Variants in CTNND2 observed in about 807,000 individuals in gnomAD.
The protein encoded by CTNND2 is catenin delta 2.
In CTNND2, 22 loss-of-function variants were observed where a neutral mutation model predicts 144.4. The observed-to-expected ratio is 0.15, with a 90% CI of 0.11 to 0.22. The LOEUF is 0.22. Among genes scored for constraint, CTNND2 ranks in the 10% least tolerant of loss-of-function variants. The pLI, the probability that CTNND2 is intolerant of heterozygous loss-of-function variation, is 1.00. For missense variants in CTNND2, 1,353 were observed against 1,618.8 expected (o/e 0.84, Z 2.82); for synonymous variants, 751 against 695.6 (o/e 1.08, Z -1.25).
chr5:11,822,515 G>T (rs1003345285), intron 1 of CTNND2, among the ~76,000 whole-genome samples: 1 of 151,886 alleles, frequency 6.6e-6, no homozygotes. Flanking sequence ...AATAATTTCC[G>T]CATCCTGGTA....
At chr5:10,975,269 A>C (rs149112741) in intron 21 of CTNND2, among the ~76,000 whole-genome samples, 137 of 152,322 alleles carry the variant, frequency 9.0e-4, no homozygotes, top group African/African-American at 3.0e-3. Context: ...AAAGGCTCAG[A>C]ATCTAGAAGT....
intron 7 of CTNND2, among the ~76,000 whole-genome samples, chr5:11,365,842 G>A (rs1028349273): frequency 2.6e-5 from 4 of 152,148 alleles, no homozygotes; most frequent in African/African-American, 7.2e-5. Context: ...AATCATTTGC[G>A]TTGGGGCAAT....
At chr5:10,990,420 G>A (rs61751691) in intron 19 of CTNND2, among the ~76,000 whole-genome samples, 17,720 of 152,166 alleles carry the variant, frequency 0.12, 1,129 homozygotes, top group Non-Finnish European at 0.14. Context: ...CTGTCTGCTC[G>A]CTGGTTCCTC....
intron 3 of CTNND2, among the ~76,000 whole-genome samples, chr5:11,518,121 A>G (rs1227414286): frequency 6.6e-6 from 1 of 152,220 alleles, no homozygotes; most frequent in Non-Finnish European, 1.5e-5. Flanking sequence ...GGCCGCATAT[A>G]AGATGGTGGT....
chr5:11,045,344 C>T (rs1481512279), intron 16 of CTNND2, among the ~76,000 whole-genome samples: 2 of 151,946 alleles, frequency 1.3e-5, no homozygotes, highest in Non-Finnish European at 2.9e-5. Flanking sequence ...GTGCAGAGAT[C>T]GTACGGGGAG....
chr5:11,729,614 T>C (rs926168251), intron 2 of CTNND2, among the ~76,000 whole-genome samples: 5 of 152,210 alleles, frequency 3.3e-5, no homozygotes, highest in African/African-American at 1.2e-4. Context: ...ATCCGTATTT[T>C]TGGCTATTTC....
intron 18 of CTNND2, among the ~76,000 whole-genome samples, chr5:11,007,671 C>T (rs1344865677): frequency 1.3e-5 from 2 of 152,208 alleles, no homozygotes; most frequent in Non-Finnish European, 2.9e-5. Flanking sequence ...GACTTGGGGC[C>T]GTTTTCAAGG....
At chr5:11,654,923 T>A (rs1782832832) in intron 2 of CTNND2, among the ~76,000 whole-genome samples, 1 of 152,064 alleles carries the variant, frequency 6.6e-6, no homozygotes, top group Non-Finnish European at 1.5e-5. Context: ...TAGGTACATT[T>A]CTCTACCTAA....
At chr5:11,430,339 A>G (rs1763178875) in intron 3 of CTNND2, among the ~76,000 whole-genome samples, 1 of 149,132 alleles carries the variant, frequency 6.7e-6, no homozygotes, top group Non-Finnish European at 1.5e-5. Flanking sequence ...ATAATGTTGG[A>G]ATGGGACATG....
rs559125563 is a variant in CTNND2 at position 11,880,309 on chromosome 5, C to T, written c.37+23508G>A. Among the ~76,000 whole-genome samples, 41 of 152,042 alleles carry T rather than the reference C, an allele frequency of 2.7e-4. 2 individuals are homozygous for T. In the South Asian group the frequency reaches 7.3e-3, roughly 27 times the overall value. On this transcript the variant is annotated intron_variant, in intron 1 of 21. Transcript: ENST00000304623. Reference sequence around the variant, plus strand: ...GAAATATTCCATAATAAACGGAAAACAAAAGTTCTGTAAGAGTTCACTTTG... The same window carrying T: ...GAAATATTCCATAATAAACGGAAAATAAAAGTTCTGTAAGAGTTCACTTTG...
At chr5:11,156,936 G>A (rs1758270993) in intron 12 of CTNND2, among the ~76,000 whole-genome samples, 1 of 152,234 alleles carries the variant, frequency 6.6e-6, no homozygotes, top group African/African-American at 2.4e-5. Flanking sequence ...AGAGGAAAGT[G>A]TTGCCCCGTC....
chr5:11,766,817 T>C (rs1455252050), intron 1 of CTNND2, among the ~76,000 whole-genome samples: 1 of 152,142 alleles, frequency 6.6e-6, no homozygotes, highest in African/African-American at 2.4e-5. Context: ...CCTCCTGACA[T>C]ATGGTAACAT....
chr5:11,480,112 T>A (rs1318747867), intron 3 of CTNND2, among the ~76,000 whole-genome samples: 1 of 152,162 alleles, frequency 6.6e-6, no homozygotes, highest in Non-Finnish European at 1.5e-5. Context: ...GTATTGCCTA[T>A]GTTGTCTTCC....
At chr5:11,641,591 TAC>T (rs202075452) in intron 2 of CTNND2, among the ~76,000 whole-genome samples, 10 of 139,760 alleles carry the variant, frequency 7.2e-5, no homozygotes, top group East Asian at 3.9e-4. Flanking sequence ...TATATACATA[TAC>T]GTGTGTGTAT....
chr5:11,061,719 T>C (rs1380246622), intron 16 of CTNND2, among the ~76,000 whole-genome samples: 1 of 152,062 alleles, frequency 6.6e-6, no homozygotes, highest in African/African-American at 2.4e-5. Context: ...TCTTTCTCTT[T>C]TTTTTTTAGA....
chr5:11,421,714 C>T (rs540086256), intron 3 of CTNND2, among the ~76,000 whole-genome samples: 47 of 152,234 alleles, frequency 3.1e-4, no homozygotes, highest in African/African-American at 1.1e-3. Context: ...ACAGTCACCA[C>T]AAACTCTTGG....
chr5:11,817,389 GGA>G (rs1183491930), intron 1 of CTNND2, among the ~76,000 whole-genome samples: 2 of 39,906 alleles, frequency 5.0e-5, no homozygotes, highest in East Asian at 1.3e-3. Context: ...GAGAGAGGGG[GGA>G]GAGAGAGAGA....
At chr5:11,010,832 C>T (rs1741000622) in intron 18 of CTNND2, among the ~76,000 whole-genome samples, 1 of 152,280 alleles carries the variant, frequency 6.6e-6, no homozygotes, top group African/African-American at 2.4e-5. Flanking sequence ...AAAGCTCATT[C>T]TTCACTTGCT....
At chr5:11,136,719 T>A (rs1222613275) in intron 12 of CTNND2, among the ~76,000 whole-genome samples, 3 of 152,208 alleles carry the variant, frequency 2.0e-5, no homozygotes, top group Non-Finnish European at 4.4e-5. Context: ...TCTGTCCTCA[T>A]CTTCTCTACC....
Sources: allele counts gnomAD v4.1 joint callset (sites outside exome capture counted in the v4.1 genomes callset), GRCh38; gene constraint gnomAD v4.1.1; transcripts MANE v1.5; gene names NCBI Gene and HGNC (gene_info 2026-07-23, HGNC 2026-07-21).